EZH2: variants seen among roughly 807,000 people sequenced by gnomAD.
EZH2 encodes the protein histone-lysine N-methyltransferase EZH2.
EZH2 carries 18 observed loss-of-function variants against 98.4 expected under a neutral mutation model. The ratio of observed to expected loss-of-function variants is 0.18; its 90% confidence interval spans 0.13 to 0.27. EZH2 has a LOEUF of 0.27. EZH2 is among the 10% of genes least tolerant of loss of function. The pLI is 1.00. For missense variants in EZH2, 470 were observed against 935.1 expected (o/e 0.50, Z 6.49); for synonymous variants, 338 against 312.3 (o/e 1.08, Z -0.87).
chr7:148,846,656 T>A (rs2129485129), intron 2 of EZH2, 58 bp from the exon 3 acceptor site: 1 of 1,499,658 alleles, frequency 6.7e-7, no homozygotes, highest in African/African-American at 1.4e-5. Flanking sequence ...AGAAAATGTA[T>A]AACACCTGTA....
Position 148,807,539 on chromosome 7 carries a change from A to T in EZH2, c.*107T>A. The T allele has an allele frequency of 1.1e-6, 1 of 943,354 alleles. No homozygotes were observed. The highest frequency in any genetic ancestry group is 2.6e-5 in the East Asian group (1 of 37,882). The allele number at this position is 943,354 out of a possible 1,614,324, so 58.4% of individuals were successfully genotyped here. The stretch of plus-strand genomic sequence containing the variant: ...TAAATTATTCTTACAGTACTTTGCA[A>T]ATTCAGAATTTCAAACTGCATGTTC... On this transcript the variant is annotated 3_prime_UTR_variant, in exon 20 of 20. Transcript: ENST00000320356.
chr7:148,809,454 A>G, intron 17 of EZH2, 64 bp from the exon 18 acceptor site: 1 of 1,345,386 alleles, frequency 7.4e-7, no homozygotes, highest in South Asian at 1.3e-5. Context: ...CCAAGTTATT[A>G]TGATTTTGTA....
At chr7:148,862,751 G>A (rs1231541736) in intron 1 of EZH2, among the ~76,000 whole-genome samples, 1 of 152,064 alleles carries the variant, frequency 6.6e-6, no homozygotes, top group Non-Finnish European at 1.5e-5. Flanking sequence ...ATGCACGCAA[G>A]GATCAAGATT....
At chr7:148,839,107 A>AGGAAGGTG (rs1307399209) in intron 3 of EZH2, among the ~76,000 whole-genome samples, 3 of 150,064 alleles carry the variant, frequency 2.0e-5, no homozygotes, top group African/African-American at 7.5e-5. Flanking sequence ...GAAGGAAGGA[A>AGGAAGGTG]AGTGAGTGAG....
At chr7:148,878,522 T>A (rs1045151226) in intron 1 of EZH2, among the ~76,000 whole-genome samples, 13 of 152,254 alleles carry the variant, frequency 8.5e-5, no homozygotes, top group South Asian at 2.1e-4. Flanking sequence ...CGTCTTTATT[T>A]CACTCCTTTT....
chr7:148,879,701 T>A (rs1174870226), intron 1 of EZH2, among the ~76,000 whole-genome samples: 1 of 151,450 alleles, frequency 6.6e-6, no homozygotes, highest in East Asian at 1.9e-4. Context: ...AAAAAATAAA[T>A]AATAAATAAT....
chr7:148,814,906 A>G lies in EZH2; in HGVS notation c.1672+8T>C, dbSNP rs1177987694. ...TCATGCAATTGCATCAAAGCAACAA[A>G]TACTTACACTCTGAACTACATTGAC... On this transcript the variant is annotated splice_region_variant and intron_variant, in intron 14 of 19. Transcript: ENST00000320356. The G allele has an allele frequency of 1.9e-5, 31 of 1,610,682 alleles. No homozygotes were observed. The highest frequency in any genetic ancestry group is 2.5e-5 in the Non-Finnish European group (30 of 1,178,908).
intron 1 of EZH2, among the ~76,000 whole-genome samples, chr7:148,848,248 G>A (rs548991184): frequency 2.0e-5 from 3 of 152,306 alleles, no homozygotes; most frequent in Non-Finnish European, 2.9e-5. Context: ...GGTGTGCGGT[G>A]AGGGAGTGAA....
At chr7:148,850,951 T>C (rs1054707050) in intron 1 of EZH2, among the ~76,000 whole-genome samples, 2 of 151,924 alleles carry the variant, frequency 1.3e-5, no homozygotes, top group African/African-American at 4.8e-5. Context: ...GTAGCTAGAG[T>C]CTTCTCTCTC....
chr7:148,818,915 T>C (rs1297177295), intron 9 of EZH2: 2 of 379,748 alleles, frequency 5.3e-6, no homozygotes, highest in African/African-American at 4.2e-5. Context: ...GGGAGAAGTT[T>C]GACAGCAGCC....
chr7:148,842,173 T>C (rs1812624911), intron 3 of EZH2, among the ~76,000 whole-genome samples: 4 of 152,138 alleles, frequency 2.6e-5, no homozygotes, highest in Admixed American at 2.6e-4. Context: ...GCAAGATGGA[T>C]TAAATTACTA....
At chr7:148,878,627 A>C (rs1291596857) in intron 1 of EZH2, among the ~76,000 whole-genome samples, 1 of 152,244 alleles carries the variant, frequency 6.6e-6, no homozygotes, top group Non-Finnish European at 1.5e-5. Context: ...AGCTGGGTGC[A>C]GTGGGTCACA....
rs1376192605 is a variant in EZH2 at position 148,878,590 on chromosome 7, G to T, written c.-8+5574C>A. Reference sequence around the variant, plus strand: ...TAATTCGCCTGTTGGCAGACACAAGGTGGTTCTTACAAATATTAAAAACAA... The same window carrying T: ...TAATTCGCCTGTTGGCAGACACAAGTTGGTTCTTACAAATATTAAAAACAA... On this transcript the variant is annotated intron_variant, in intron 1 of 19. Transcript: ENST00000320356. 4.6e-5 allele frequency among the ~76,000 whole-genome samples: 7 copies of T among 152,256 alleles called. No individual in the cohort carries two copies. The East Asian group carries it at 1.2e-3, about 25-fold the overall frequency.
At chr7:148,822,141 T>C (rs886541923) in intron 8 of EZH2, among the ~76,000 whole-genome samples, 1 of 151,414 alleles carries the variant, frequency 6.6e-6, no homozygotes, top group African/African-American at 2.4e-5. Flanking sequence ...GCCTAAAACA[T>C]ACTAGAAAAA....
chr7:148,865,140 A>AC (rs1818267805), intron 1 of EZH2, among the ~76,000 whole-genome samples: 2 of 152,094 alleles, frequency 1.3e-5, no homozygotes, highest in South Asian at 4.1e-4. Flanking sequence ...AAAAAAAAAA[A>AC]AAAGTACCAG....
chr7:148,863,095 AAAAAG>A lies in EZH2; in HGVS notation c.-7-15795_-7-15791del, dbSNP rs1242884013. On this transcript the variant is annotated intron_variant, in intron 1 of 19. Coordinates refer to ENST00000320356, the MANE Select transcript of EZH2 (RefSeq NM_004456.5). ...TGAGACCCTGTCTCAAAAAAAAAAA[AAAAAG>A]AAAGAAAGAAAGAAAAAATAGTTTT... Among the ~76,000 whole-genome samples the A allele has an allele frequency of 4.1e-4, 61 of 148,988 alleles. 1 individual carries two copies. Among genetic ancestry groups the A allele is most frequent in the South Asian group, 1.3e-3 (6 of 4,666 alleles).
intron 1 of EZH2, among the ~76,000 whole-genome samples, chr7:148,860,383 T>TA (rs1486378742): frequency 6.6e-6 from 1 of 151,614 alleles, no homozygotes; most frequent in Non-Finnish European, 1.5e-5. Context: ...AGTCTAAAAT[T>TA]AAAAATCGAG....
At chr7:148,810,500 T>A in intron 16 of EZH2, 86 bp from the exon 17 acceptor site, 1 of 793,240 alleles carries the variant, frequency 1.3e-6, no homozygotes, top group Non-Finnish European at 2.1e-6. Context: ...GAGTGAATAC[T>A]GGACCTTCTG....
At chr7:148,831,116 C>T (rs1035945870) in intron 4 of EZH2, among the ~76,000 whole-genome samples, 1 of 152,078 alleles carries the variant, frequency 6.6e-6, no homozygotes, top group African/African-American at 2.4e-5. Flanking sequence ...ACACACAGGA[C>T]TAGTAGCAGC....
Sources: allele counts gnomAD v4.1 joint callset (sites outside exome capture counted in the v4.1 genomes callset), GRCh38; gene constraint gnomAD v4.1.1; transcripts MANE v1.5; gene names NCBI Gene and HGNC (gene_info 2026-07-23, HGNC 2026-07-21).